PIK3R1: variants seen among roughly 807,000 people sequenced by gnomAD.
The protein encoded by PIK3R1 is phosphoinositide-3-kinase regulatory subunit 1, also known as phosphatidylinositol 3-kinase regulatory subunit alpha.
Under a neutral mutation model 98.0 loss-of-function variants are expected in PIK3R1, and 29 were observed. The ratio of observed to expected loss-of-function variants is 0.30; its 90% CI spans 0.22 to 0.40. The LOEUF is 0.40. Ranked by LOEUF, PIK3R1 falls within the 10% of genes least tolerant of loss-of-function variation. PIK3R1 has a pLI of 1.00. For synonymous variants in PIK3R1, 282 were observed against 311.8 expected, an observed-to-expected ratio of 0.90 and a Z score of 1.01; for missense variants, 596 against 872.7, an observed-to-expected ratio of 0.68 and a Z score of 3.99.
intron 7 of PIK3R1, among the ~76,000 whole-genome samples, chr5:68,281,370 ATAATT>A (rs552667335): frequency 3.3e-4 from 51 of 152,298 alleles, no homozygotes; most frequent in African/African-American, 1.2e-3. Flanking sequence ...TAATTACTAT[ATAATT>A]TAAAGTATTT....
At chr5:68,264,410 G>A (rs1263444887) in intron 2 of PIK3R1, among the ~76,000 whole-genome samples, 1 of 152,198 alleles carries the variant, frequency 6.6e-6, no homozygotes, top group African/African-American at 2.4e-5. Flanking sequence ...TGGCTTTGAA[G>A]TCCCATCTGT....
At chr5:68,295,755 A>C (rs914334443) in intron 14 of PIK3R1, 1 of 509,726 alleles carries the variant, frequency 2.0e-6, no homozygotes, top group Non-Finnish European at 3.5e-6. Context: ...AAATCCCAAA[A>C]TATTTTTGGA....
At chr5:68,288,780 C>G (rs1454940139) in intron 7 of PIK3R1, 3 of 1,605,340 alleles carry the variant, frequency 1.9e-6, no homozygotes, top group Non-Finnish European at 1.7e-6. Context: ...GTGCACTTCT[C>G]TGTTCCTTAT....
In PIK3R1 at chr5:68,300,789, G is replaced by A. The variant is rs527592294; in HGVS notation, c.*3188G>A. 1.7e-5 allele frequency: 4 copies of A among 233,150 alleles called. No individual in the cohort carries two copies. In the South Asian group the frequency reaches 7.2e-4, roughly 42 times the overall value. 14.4% of individuals were successfully genotyped at this position (233,150 alleles called of 1,614,324 possible). A position where few individuals can be genotyped will look rare whatever the true frequency, so the allele number is the denominator to read the frequency against. ...TTTCCCTTTGAGGTTGCTTTGTTTTGTCTTACAAAGGTGAAAATTGTTTGT... is the reference window on the plus strand; with the variant it reads ...TTTCCCTTTGAGGTTGCTTTGTTTTATCTTACAAAGGTGAAAATTGTTTGT... On this transcript the variant is annotated 3_prime_UTR_variant, in exon 16 of 16. Transcript: ENST00000521381.
At chr5:68,252,091 G>A (rs896247753) in intron 2 of PIK3R1, among the ~76,000 whole-genome samples, 1 of 152,138 alleles carries the variant, frequency 6.6e-6, no homozygotes, top group Non-Finnish European at 1.5e-5. Flanking sequence ...GCAACAACTG[G>A]TCAAGAGCCC....
At chr5:68,239,488 CT>C (rs1430799620) in intron 2 of PIK3R1, among the ~76,000 whole-genome samples, 20 of 152,122 alleles carry the variant, frequency 1.3e-4, no homozygotes, top group African/African-American at 4.8e-4. Flanking sequence ...CTGCACTAAC[CT>C]TTTATTCCAT....
intron 2 of PIK3R1, among the ~76,000 whole-genome samples, chr5:68,242,502 C>G (rs1279414601): frequency 6.6e-6 from 1 of 152,206 alleles, no homozygotes; most frequent in East Asian, 1.9e-4. Flanking sequence ...AGAAGAGAGG[C>G]CTTCCATGGG....
intron 2 of PIK3R1, among the ~76,000 whole-genome samples, chr5:68,235,400 CAAAA>C (rs1354220388): frequency 1.6e-5 from 2 of 121,350 alleles, no homozygotes; most frequent in Non-Finnish European, 3.4e-5. Flanking sequence ...GAAAGTGTCT[CAAAA>C]TAAATAAATA....
At chr5:68,295,572 T>C in intron 14 of PIK3R1, 84 bp downstream of exon 14, 1 of 1,150,664 alleles carries the variant, frequency 8.7e-7, no homozygotes, top group South Asian at 1.3e-5. Context: ...TTAGAACAAG[T>C]GAGGAATTTT....
At chr5:68,228,716 T>TATCTC (rs10678795) in intron 2 of PIK3R1, among the ~76,000 whole-genome samples, 87,621 of 151,432 alleles carry the variant, frequency 0.58, 26,708 homozygotes, top group African/African-American at 0.78. Flanking sequence ...ATCATAAAAA[T>TATCTC]AGTTGAATTA....
intron 7 of PIK3R1, among the ~76,000 whole-genome samples, chr5:68,286,812 C>T (rs930226665): frequency 2.0e-5 from 3 of 152,160 alleles, no homozygotes; most frequent in African/African-American, 7.2e-5. Context: ...TCATGTGAAT[C>T]CAGACAGGTA....
At chr5:68,266,355 T>G (rs892659342) in intron 2 of PIK3R1, among the ~76,000 whole-genome samples, 4 of 152,220 alleles carry the variant, frequency 2.6e-5, no homozygotes, top group African/African-American at 9.7e-5. Flanking sequence ...CAGCCAGAGA[T>G]AGTGTGGTTC....
chr5:68,253,718 A>G (rs928921318), intron 2 of PIK3R1, among the ~76,000 whole-genome samples: 2 of 152,218 alleles, frequency 1.3e-5, no homozygotes, highest in Admixed American at 1.3e-4. Context: ...GTTAGCAAGT[A>G]TCTACTATGA....
Position 68,226,523 on chromosome 5 carries a change from C to T in PIK3R1, c.-153C>T, listed in dbSNP as rs1217605889. The T allele has an allele frequency of 1.6e-6, 1 of 626,232 alleles. No homozygotes were observed. Among genetic ancestry groups the T allele is most frequent in the Non-Finnish European group, 2.8e-6 (1 of 363,062 alleles). The allele number at this position is 626,232 out of a possible 1,614,324, so 38.8% of individuals were successfully genotyped here. A position where few individuals can be genotyped will look rare whatever the true frequency, so the allele number is the denominator to read the frequency against. ...GACAGCCGTATGGCCAGTCACCTCTCCTCTTAAACCTTTGGAGAGTGGTCC... is the reference window on the plus strand; with the variant it reads ...GACAGCCGTATGGCCAGTCACCTCTTCTCTTAAACCTTTGGAGAGTGGTCC... On this transcript the variant is annotated 5_prime_UTR_variant, in exon 2 of 16. Transcript: ENST00000521381.
chr5:68,291,635 GCA>G (rs1747400473), intron 7 of PIK3R1: 1 of 152,310 alleles, frequency 6.6e-6, no homozygotes, highest in South Asian at 2.1e-4. Context: ...AGTATATAGA[GCA>G]CAATTTATCC....
intron 2 of PIK3R1, among the ~76,000 whole-genome samples, chr5:68,237,023 CTGT>C (rs1351390310): frequency 6.6e-6 from 1 of 152,210 alleles, no homozygotes; most frequent in African/African-American, 2.4e-5. Flanking sequence ...ACCTTCGTTT[CTGT>C]TGTTTTTGAA....
At chr5:68,276,724 G>T (rs1746585975) in intron 4 of PIK3R1, among the ~76,000 whole-genome samples, 1 of 152,178 alleles carries the variant, frequency 6.6e-6, no homozygotes, top group African/African-American at 2.4e-5. Flanking sequence ...CATAAGGTAA[G>T]GTTACCCAAA....
chr5:68,247,349 C>T (rs1318376661), intron 2 of PIK3R1, among the ~76,000 whole-genome samples: 1 of 151,908 alleles, frequency 6.6e-6, no homozygotes, highest in Non-Finnish European at 1.5e-5. Flanking sequence ...TTCTGTCTTT[C>T]TGCCTTTCTT....
chr5:68,223,884 G>A (rs906636886), intron 1 of PIK3R1, among the ~76,000 whole-genome samples: 4 of 152,180 alleles, frequency 2.6e-5, no homozygotes, highest in Admixed American at 2.0e-4. Flanking sequence ...CTGTGAGCAG[G>A]GGCTTGCTTG....
Sources: gnomAD v4.1 joint callset for allele counts (sites outside exome capture counted in the v4.1 genomes callset) on GRCh38, gnomAD v4.1.1 for gene constraint, MANE v1.5 for transcripts, NCBI Gene and HGNC (gene_info 2026-07-23, HGNC 2026-07-21) for gene names.